The following LRRC49 variants were observed in gnomAD, a reference collection of about 807,000 sequenced individuals.
LRRC49 encodes the protein leucine rich repeat containing 49, also known as leucine-rich repeat-containing protein 49.
LRRC49 carries 50 observed loss-of-function variants against 83.3 expected under a neutral mutation model. The observed-to-expected ratio is 0.60, with a 90% CI of 0.48 to 0.76. The LOEUF (loss-of-function observed/expected upper bound fraction) is 0.76. Ranked by LOEUF, LRRC49 falls within the 30% of genes least tolerant of loss-of-function variation. LRRC49 has a pLI of 0.00. For missense variants in LRRC49, 704 were observed against 809.1 expected, an observed-to-expected ratio of 0.87 and a Z score of 1.58; for synonymous variants, 286 against 283.3, an observed-to-expected ratio of 1.01 and a Z score of -0.10.
chr15:70,896,100 T>C (rs1316447246), intron 3 of LRRC49, among the ~76,000 whole-genome samples, 164 bp downstream of exon 3: 1 of 152,134 alleles, frequency 6.6e-6, no homozygotes, highest in Non-Finnish European at 1.5e-5. Context: ...GTTATATATA[T>C]GTAGCATAGT....
chr15:71,030,173 A>G (rs1222207460), intron 14 of LRRC49, among the ~76,000 whole-genome samples: 2 of 151,666 alleles, frequency 1.3e-5, no homozygotes, highest in African/African-American at 4.8e-5. Flanking sequence ...TTTCCTTTCC[A>G]TATTTAGTGC....
chr15:70,984,641 T>G (rs986691231), intron 11 of LRRC49: 4 of 154,536 alleles, frequency 2.6e-5, no homozygotes, highest in African/African-American at 9.7e-5. Flanking sequence ...TTACTATTAT[T>G]ATTATACTTT....
intron 14 of LRRC49, among the ~76,000 whole-genome samples, chr15:71,018,303 T>G (rs913874079): frequency 6.6e-6 from 1 of 152,166 alleles, no homozygotes; most frequent in Non-Finnish European, 1.5e-5. Context: ...CTTTTCAGGT[T>G]TTATTCTATG....
At chr15:70,989,848 C>G (rs1005217027) in intron 11 of LRRC49, among the ~76,000 whole-genome samples, 1 of 152,156 alleles carries the variant, frequency 6.6e-6, no homozygotes, top group African/African-American at 2.4e-5. Flanking sequence ...TTCCTTCTAA[C>G]AGACAGGACC....
intron 6 of LRRC49, chr15:70,918,493 A>G (rs2034879004): frequency 6.6e-6 from 1 of 152,356 alleles, no homozygotes; most frequent in South Asian, 2.1e-4. Context: ...CATCCTTATT[A>G]ATGGAACAGC....
chr15:70,972,717 G>A (rs943159948), intron 9 of LRRC49, among the ~76,000 whole-genome samples: 10 of 151,750 alleles, frequency 6.6e-5, no homozygotes, highest in African/African-American at 1.2e-4. Context: ...TTGTCTTCAC[G>A]CTTCATTTCA....
intron 7 of LRRC49, among the ~76,000 whole-genome samples, chr15:70,926,073 A>G (rs2035184254): frequency 6.6e-6 from 1 of 152,166 alleles, no homozygotes; most frequent in Admixed American, 6.5e-5. Flanking sequence ...ATGTCTTGAT[A>G]TTCATCCATT....
At chr15:71,030,591 G>A (rs1217143214) in intron 14 of LRRC49, among the ~76,000 whole-genome samples, 2 of 152,080 alleles carry the variant, frequency 1.3e-5, no homozygotes, top group African/African-American at 4.8e-5. Flanking sequence ...AGTTCTCCTG[G>A]ATAATATTCT....
intron 1 of LRRC49, among the ~76,000 whole-genome samples, chr15:70,862,145 C>A (rs1240593293): frequency 6.6e-6 from 1 of 152,182 alleles, no homozygotes; most frequent in African/African-American, 2.4e-5. Flanking sequence ...GAAGGGCGAG[C>A]CCACCCTGGT....
chr15:71,019,273 C>A (rs2038921765), intron 14 of LRRC49, among the ~76,000 whole-genome samples: 1 of 152,168 alleles, frequency 6.6e-6, no homozygotes, highest in Admixed American at 6.5e-5. Context: ...TGACCAGCCC[C>A]CATCCTGAAG....
intron 12 of LRRC49, among the ~76,000 whole-genome samples, chr15:71,009,248 T>C (rs1296249789): frequency 6.6e-6 from 1 of 151,896 alleles, no homozygotes; most frequent in Non-Finnish European, 1.5e-5. Context: ...GTGAAGACAG[T>C]ATGTTTAGAA....
chr15:70,979,777 A>G (rs1462177760), intron 9 of LRRC49, among the ~76,000 whole-genome samples: 2 of 152,126 alleles, frequency 1.3e-5, no homozygotes, highest in Non-Finnish European at 2.9e-5. Context: ...GTTTAAACCT[A>G]TGTGGAACCA....
At chr15:71,022,054 C>T (rs2039011363) in intron 14 of LRRC49, among the ~76,000 whole-genome samples, 1 of 152,080 alleles carries the variant, frequency 6.6e-6, no homozygotes, top group Non-Finnish European at 1.5e-5. Flanking sequence ...TGATAAAATG[C>T]AAATATATTA....
At chr15:71,002,641 A>G (rs1245405617) in intron 11 of LRRC49, among the ~76,000 whole-genome samples, 1 of 152,134 alleles carries the variant, frequency 6.6e-6, no homozygotes, top group African/African-American at 2.4e-5. Flanking sequence ...ATGAATTTTC[A>G]CACCTATGAA....
intron 7 of LRRC49, among the ~76,000 whole-genome samples, chr15:70,928,160 G>T (rs556852867): frequency 2.0e-5 from 3 of 151,910 alleles, no homozygotes; most frequent in Non-Finnish European, 4.4e-5. Context: ...ATTCGTCTAC[G>T]TAATATATAC....
At chr15:70,922,250 A>G (rs941421892) in intron 7 of LRRC49, among the ~76,000 whole-genome samples, 2 of 152,180 alleles carry the variant, frequency 1.3e-5, no homozygotes, top group South Asian at 2.1e-4. Flanking sequence ...AGCACTGTTT[A>G]CAATAGCTAA....
Position 70,998,764 on chromosome 15 carries a change from T to G in LRRC49, c.1170-9615T>G, listed in dbSNP as rs1415348996. On this transcript the variant is annotated intron_variant, in intron 11 of 15. Transcript: ENST00000260382. ...TTCTGGCCATTGTTTTTTCAAATATTCTTTCTGCTTTTTTTTTTCTCTCAT... is the reference window on the plus strand; with the variant it reads ...TTCTGGCCATTGTTTTTTCAAATATGCTTTCTGCTTTTTTTTTTCTCTCAT... 2.1e-4 allele frequency among the ~76,000 whole-genome samples: 13 copies of G among 62,110 alleles called. No homozygotes were observed. In the Admixed American group the frequency reaches 2.9e-3, roughly 14 times the overall value. 40.7% of individuals were successfully genotyped at this position (62,110 alleles called of 152,430 possible).
At chr15:70,993,920 C>T (rs11072246) in intron 11 of LRRC49, among the ~76,000 whole-genome samples, 116,322 of 152,120 alleles carry the variant, frequency 0.76, 45,832 homozygotes, top group East Asian at 0.85. Flanking sequence ...TGTTGGCTCA[C>T]GGCAACCTTT....
intron 1 of LRRC49, among the ~76,000 whole-genome samples, chr15:70,863,284 C>T (rs927640490): frequency 9.2e-5 from 14 of 152,194 alleles, no homozygotes; most frequent in South Asian, 2.1e-4. Flanking sequence ...ATTTAATAAT[C>T]TCCCAAGTGG....
Sources: gnomAD v4.1 joint callset for allele counts (sites outside exome capture counted in the v4.1 genomes callset) on GRCh38, gnomAD v4.1.1 for gene constraint, MANE v1.5 for transcripts, NCBI Gene and HGNC (gene_info 2026-07-23, HGNC 2026-07-21) for gene names.